The following LRRTM4 variants were observed in gnomAD, a reference collection of about 807,000 sequenced individuals.
LRRTM4 encodes leucine rich repeat transmembrane neuronal 4, also known as leucine-rich repeat transmembrane neuronal protein 4.
LRRTM4 carries 25 observed loss-of-function variants against 47.6 expected under a neutral mutation model. That is an observed-to-expected ratio of 0.53 (90% CI 0.38 to 0.73). The LOEUF is 0.73. LRRTM4 is among the 30% of genes least tolerant of loss of function. The probability of loss-of-function intolerance (pLI) is 0.00; values close to 1 mark genes in which losing one functional copy is unlikely to be tolerated. For missense variants in LRRTM4, 638 were observed against 713.4 expected, an observed-to-expected ratio of 0.89 and a Z score of 1.20; for synonymous variants, 311 against 269.5, an observed-to-expected ratio of 1.15 and a Z score of -1.51.
At chr2:76,910,742 A>G (rs1187744146) in intron 3 of LRRTM4, among the ~76,000 whole-genome samples, 3 of 152,188 alleles carry the variant, frequency 2.0e-5, no homozygotes, top group Middle Eastern at 3.2e-3. Flanking sequence ...GTTATGTAAA[A>G]ACAACCATGG....
At chr2:77,055,911 A>T in intron 3 of LRRTM4, among the ~76,000 whole-genome samples, 1 of 151,446 alleles carries the variant, frequency 6.6e-6, no homozygotes, top group Non-Finnish European at 1.5e-5. Flanking sequence ...GAAATTGGAA[A>T]TTATCATTCT....
intron 3 of LRRTM4, among the ~76,000 whole-genome samples, chr2:76,822,955 C>G (rs1177303470): frequency 6.6e-6 from 1 of 151,080 alleles, no homozygotes; most frequent in African/African-American, 2.4e-5. Context: ...AAAAACAATG[C>G]GCACAAAACC....
In LRRTM4 at chr2:76,949,532, G is replaced by C. The variant is rs371860759; in HGVS notation, c.1552-200616C>G. 2.6e-5 allele frequency among the ~76,000 whole-genome samples: 4 copies of C among 151,802 alleles called. No homozygotes were observed. The South Asian group carries it at 6.2e-4, about 24-fold the overall frequency. On this transcript the variant is annotated intron_variant, in intron 3 of 3. Transcript: ENST00000409884. ...AGAGATAACATTTTCAGCCAGACTT[G>C]ATAGATGAGAGAAATTTCAGCTGTT... is the stretch of plus-strand genomic sequence containing the variant.
intron 3 of LRRTM4, among the ~76,000 whole-genome samples, chr2:77,092,600 C>T (rs370715730): frequency 8.0e-4 from 114 of 142,218 alleles, no homozygotes; most frequent in African/African-American, 2.3e-3. Context: ...ACTGGCAAAT[C>T]AGCTTTACTC....
intron 3 of LRRTM4, among the ~76,000 whole-genome samples, chr2:76,977,622 G>C (rs1278184098): frequency 4.6e-5 from 7 of 151,840 alleles, no homozygotes; most frequent in Admixed American, 3.3e-4. Flanking sequence ...AACTGTTATT[G>C]GGTTCCTAGG....
At chr2:77,504,207 A>T in intron 3 of LRRTM4, among the ~76,000 whole-genome samples, 1 of 151,512 alleles carries the variant, frequency 6.6e-6, no homozygotes. Context: ...GACTGCCACC[A>T]TTTTTTTTGT....
intron 3 of LRRTM4, among the ~76,000 whole-genome samples, chr2:77,152,725 C>G (rs1672462957): frequency 6.6e-6 from 1 of 152,144 alleles, no homozygotes; most frequent in African/African-American, 2.4e-5. Context: ...ACCTGAGAAG[C>G]ATGTATAATA....
At position 77,009,725 on chromosome 2, in the gene LRRTM4, C is replaced by G. The variant is rs148891500; in HGVS notation, c.1552-260809G>C. 9 of 152,170 alleles carry G rather than the reference C, an allele frequency of 5.9e-5. No homozygotes were observed. The East Asian group carries it at 1.7e-3, about 29-fold the overall frequency. 9.4% of individuals were successfully genotyped at this position (152,170 alleles called of 1,614,324 possible). On this transcript the variant is annotated intron_variant, in intron 3 of 3. Transcript: ENST00000409884. ...AGTCACCTTCACCTCCATAATTTCC[C>G]TTTTGTTGCTTCAAATTATTTGTTG...
chr2:77,458,414 C>G (rs991788618), intron 3 of LRRTM4, among the ~76,000 whole-genome samples: 11 of 152,056 alleles, frequency 7.2e-5, no homozygotes, highest in African/African-American at 2.7e-4. Context: ...TGGCACCACT[C>G]TCTTCATTTG....
intron 3 of LRRTM4, among the ~76,000 whole-genome samples, chr2:77,128,423 G>GATAGAA (rs1447301308): frequency 2.0e-4 from 17 of 85,986 alleles, no homozygotes; most frequent in Admixed American, 1.4e-3. Flanking sequence ...GATAGATAGA[G>GATAGAA]AAATGTCCCA....
intron 3 of LRRTM4, among the ~76,000 whole-genome samples, chr2:77,202,464 T>C (rs1380258537): frequency 6.6e-6 from 1 of 152,114 alleles, no homozygotes; most frequent in African/African-American, 2.4e-5. Flanking sequence ...TTAACGTATA[T>C]GTCTATAAAT....
chr2:77,521,836 G>T lies in LRRTM4; in HGVS notation c.-147-18C>A. 2 of 212,030 alleles carry T rather than the reference G, an allele frequency of 9.4e-6. No homozygotes were observed. The highest frequency in any genetic ancestry group is 7.8e-6 in the Non-Finnish European group (1 of 127,468). The allele number at this position is 212,030 out of a possible 1,614,324, so 13.1% of individuals were successfully genotyped here. On this transcript the variant is annotated intron_variant, in intron 1 of 3. Transcript: ENST00000409884. ...CATACAAACTTCCCCGAGAGGACAG[G>T]CAAAAAAAAAAAAAAAAAATACATA...
intron 3 of LRRTM4, among the ~76,000 whole-genome samples, chr2:77,425,032 A>G (rs559936207): frequency 6.6e-6 from 1 of 152,334 alleles, no homozygotes; most frequent in Admixed American, 6.5e-5. Flanking sequence ...CATGGTGTCT[A>G]TTAAAAAACT....
intron 3 of LRRTM4, among the ~76,000 whole-genome samples, chr2:76,874,464 T>G (rs1025298007): frequency 1.3e-5 from 2 of 151,982 alleles, no homozygotes; most frequent in African/African-American, 2.4e-5. Flanking sequence ...TATTCAGTAA[T>G]TGAATAACTG....
At chr2:76,889,226 C>T (rs374495158) in intron 3 of LRRTM4, among the ~76,000 whole-genome samples, 4 of 151,900 alleles carry the variant, frequency 2.6e-5, no homozygotes, top group African/African-American at 9.7e-5. Flanking sequence ...TTTTACTCAT[C>T]TGTTTATACA....
chr2:76,929,575 G>T (rs17013366), intron 3 of LRRTM4, among the ~76,000 whole-genome samples: 13,858 of 152,152 alleles, frequency 0.091, 891 homozygotes, highest in East Asian at 0.34. Context: ...CACTTACAGT[G>T]AGAAAGTCTA....
At chr2:77,217,250 T>C (rs908072914) in intron 3 of LRRTM4, among the ~76,000 whole-genome samples, 2 of 150,876 alleles carry the variant, frequency 1.3e-5, no homozygotes, top group Non-Finnish European at 2.9e-5. Flanking sequence ...GTTTACCTAA[T>C]CTGTTTACTC....
intron 3 of LRRTM4, among the ~76,000 whole-genome samples, chr2:76,978,281 C>T (rs1182871786): frequency 6.6e-6 from 1 of 151,944 alleles, no homozygotes; most frequent in African/African-American, 2.4e-5. Context: ...TAAGGCATTT[C>T]CCCCAGATTC....
intron 3 of LRRTM4, among the ~76,000 whole-genome samples, chr2:76,787,759 A>G (rs1174096008): frequency 6.6e-6 from 1 of 152,108 alleles, no homozygotes; most frequent in Non-Finnish European, 1.5e-5. Context: ...TCTAAAAACA[A>G]TATAGATATT....
Sources: gnomAD v4.1 joint callset for allele counts (sites outside exome capture counted in the v4.1 genomes callset) on GRCh38, gnomAD v4.1.1 for gene constraint, MANE v1.5 for transcripts, NCBI Gene and HGNC (gene_info 2026-07-23, HGNC 2026-07-21) for gene names.